CCT6A: variants seen among roughly 807,000 people sequenced by gnomAD.
CCT6A encodes the protein T-complex protein 1 subunit zeta.
CCT6A carries 6 observed loss-of-function variants against 58.6 expected under a neutral mutation model. The observed-to-expected ratio is 0.10, with a 90% CI of 0.06 to 0.20. The LOEUF (loss-of-function observed/expected upper bound fraction) is 0.20. CCT6A is among the 10% of genes least tolerant of loss of function. The pLI, the probability that CCT6A is intolerant of heterozygous loss-of-function variation, is 1.00. For synonymous variants in CCT6A, 245 were observed against 227.8 expected, an observed-to-expected ratio of 1.08 and a Z score of -0.68; for missense variants, 516 against 648.8, an observed-to-expected ratio of 0.80 and a Z score of 2.22.
At chr7:56,053,209 A>G (rs1794220483) in intron 2 of CCT6A, among the ~76,000 whole-genome samples, 1 of 152,138 alleles carries the variant, frequency 6.6e-6, no homozygotes, top group African/African-American at 2.4e-5. Flanking sequence ...TATTGAGGGG[A>G]GTATGCTTTT....
chr7:56,061,633 C>G, intron 11 of CCT6A, 114 bp from the exon 12 acceptor site: 1 of 610,984 alleles, frequency 1.6e-6, no homozygotes. Flanking sequence ...AGGCGTGAGC[C>G]ACTGCACCAG....
intron 8 of CCT6A, 122 bp downstream of exon 8, chr7:56,058,824 G>A (rs1283035984): frequency 3.2e-6 from 2 of 616,510 alleles, no homozygotes; most frequent in South Asian, 4.3e-5. Context: ...TATTCACATT[G>A]TGCACCCCGT....
chr7:56,062,639 G>A lies in CCT6A; in HGVS notation c.1451-44G>A, dbSNP rs1202037472. On this transcript the variant is annotated intron_variant, in intron 12 of 13. Coordinates refer to ENST00000275603, the MANE Select transcript of CCT6A (RefSeq NM_001762.4). ...AGCAAAGCTGCACACAATATTGTTG[G>A]TTCTTACTGACTGAACTTATTTTAA... 8.1e-6 allele frequency: 12 copies of A among 1,481,486 alleles called. No individual in the cohort carries two copies. The Admixed American group carries it at 1.3e-4, about 17-fold the overall frequency. The allele number at this position is 1,481,486 out of a possible 1,614,324, so 91.8% of individuals were successfully genotyped here.
intron 10 of CCT6A, 79 bp from the exon 11 acceptor site, chr7:56,060,728 G>A: frequency 1.3e-6 from 2 of 1,485,438 alleles, no homozygotes; most frequent in Non-Finnish European, 1.8e-6. Context: ...AGAAATTAAT[G>A]GCTTTCATAT....
intron 3 of CCT6A, 78 bp from the exon 4 acceptor site, chr7:56,055,546 C>G: frequency 2.4e-6 from 3 of 1,233,764 alleles, no homozygotes; most frequent in Non-Finnish European, 3.5e-6. Context: ...AACACTCCTT[C>G]AATAATTACC....
chr7:56,060,685 T>C, intron 10 of CCT6A, 122 bp from the exon 11 acceptor site: 1 of 1,269,924 alleles, frequency 7.9e-7, no homozygotes, highest in African/African-American at 1.5e-5. Context: ...TTTGGTATGT[T>C]AGTCACTTGT....
intron 11 of CCT6A, 75 bp from the exon 12 acceptor site, chr7:56,061,672 T>C (rs962902958): frequency 7.3e-5 from 12 of 165,294 alleles, no homozygotes; most frequent in South Asian, 1.8e-4. Context: ...TTTTTTCTTT[T>C]TTTTTTTTTT....
chr7:56,052,286 C>T (rs977796299), intron 1 of CCT6A, 136 bp from the exon 2 acceptor site: 5 of 779,256 alleles, frequency 6.4e-6, no homozygotes, highest in East Asian at 2.5e-5. Flanking sequence ...GGCACTACAC[C>T]TGTCCTCCAT....
chr7:56,062,797 A>T (rs778398021), intron 13 of CCT6A, 42 bp downstream of exon 13: 13 of 1,508,070 alleles, frequency 8.6e-6, no homozygotes, highest in African/African-American at 1.4e-5. Context: ...AGAGAATCAT[A>T]CTTTTTTCAT....
At chr7:56,057,954 T>C (rs1420193693) in intron 5 of CCT6A, 39 bp from the exon 6 acceptor site, 2 of 1,082,014 alleles carry the variant, frequency 1.8e-6, no homozygotes, top group African/African-American at 3.1e-5. Flanking sequence ...AATACCCATC[T>C]GAAAATCAAT....
chr7:56,062,848 A>C (rs1794497420), intron 13 of CCT6A, 93 bp downstream of exon 13: 5 of 1,214,238 alleles, frequency 4.1e-6, no homozygotes, highest in Non-Finnish European at 6.1e-6. Context: ...CCCATGAATA[A>C]TGTGATCAGC....
Position 56,051,983 on chromosome 7 carries a change from G to A in CCT6A, c.135G>A (p.Lys45=). 1 of 1,520,720 alleles carries A rather than the reference G, an allele frequency of 6.6e-7. No homozygotes were observed. Among genetic ancestry groups the A allele is most frequent in the Non-Finnish European group, 8.8e-7 (1 of 1,133,610 alleles). The allele number at this position is 1,520,720 out of a possible 1,614,324, so 94.2% of individuals were successfully genotyped here. A position where few individuals can be genotyped will look rare whatever the true frequency, so the allele number is the denominator to read the frequency against. Residue 45 remains lysine, a splice_region_variant and synonymous_variant, in exon 1 of 14, where the codon AAG becomes AAA. Coordinates refer to ENST00000275603, the MANE Select transcript of CCT6A (RefSeq NM_001762.4). ...ACCTGGGGCCCAAGGGCACCATGAA[G>A]ATGTAAGGCGGGGCTGAACCGGAGG... is the stretch of plus-strand genomic sequence containing the variant. ...RTNLGPKGTM[K]MLVSGAGDIK...
At chr7:56,052,847 C>T (rs1361127628) in intron 2 of CCT6A, among the ~76,000 whole-genome samples, 1 of 150,510 alleles carries the variant, frequency 6.6e-6, no homozygotes, top group Non-Finnish European at 1.5e-5. Context: ...AGCCTGGAGT[C>T]CGGTGGCACA....
chr7:56,063,355 G>A lies in CCT6A; in HGVS notation c.*270G>A. 1 of 458,038 alleles carries A rather than the reference G, an allele frequency of 2.2e-6. No individual in the cohort carries two copies. The highest frequency in any genetic ancestry group is 3.9e-6 in the Non-Finnish European group (1 of 256,334). The allele number at this position is 458,038 out of a possible 1,614,324, so 28.4% of individuals were successfully genotyped here. On this transcript the variant is annotated 3_prime_UTR_variant, in exon 14 of 14. Transcript: ENST00000275603. ...AGCAGTGACATAAAATTCCATGTTAGATAAGCATATGTTACTTACCTTGTT... is the reference window on the plus strand; with the variant it reads ...AGCAGTGACATAAAATTCCATGTTAAATAAGCATATGTTACTTACCTTGTT...
chr7:56,061,484 C>A (rs1480377004), intron 11 of CCT6A, among the ~76,000 whole-genome samples: 2 of 146,012 alleles, frequency 1.4e-5, no homozygotes, highest in African/African-American at 2.5e-5. Context: ...GCTGGGATTA[C>A]AGGCACCTGC....
chr7:56,059,750 G>A (rs1472849362), intron 9 of CCT6A, 110 bp downstream of exon 9: 5 of 630,260 alleles, frequency 7.9e-6, no homozygotes, highest in Non-Finnish European at 1.4e-5. Flanking sequence ...GTGCAGTGGT[G>A]TGATCACAGT....
At position 56,063,145 on chromosome 7, in the gene CCT6A, C is replaced by T; in HGVS notation, c.*60C>T. ...TGCAAAGTGATCCTGAGGATTACAGCTGTGGAATTTTTGTCCAAGCTTCAA... is the reference window on the plus strand; with the variant it reads ...TGCAAAGTGATCCTGAGGATTACAGTTGTGGAATTTTTGTCCAAGCTTCAA... On this transcript the variant is annotated 3_prime_UTR_variant, in exon 14 of 14. Coordinates refer to ENST00000275603, the MANE Select transcript of CCT6A (RefSeq NM_001762.4). 8.4e-7 allele frequency: 1 copy of T among 1,183,940 alleles called. No homozygotes were observed. The highest frequency in any genetic ancestry group is 1.3e-6 in the Non-Finnish European group (1 of 793,438). 73.3% of individuals were successfully genotyped at this position (1,183,940 alleles called of 1,614,324 possible).
chr7:56,052,594 T>C, intron 2 of CCT6A, 109 bp downstream of exon 2: 5 of 937,866 alleles, frequency 5.3e-6, no homozygotes, highest in Non-Finnish European at 8.6e-6. Context: ...CATTCAGAAG[T>C]GGCGTGTAAT....
At chr7:56,052,032 C>G in intron 1 of CCT6A, 47 bp downstream of exon 1, 2 of 1,383,610 alleles carry the variant, frequency 1.4e-6, no homozygotes, top group Non-Finnish European at 9.4e-7. Flanking sequence ...CGCGCGCCGC[C>G]GCGCTCCTGG....
Sources: allele counts gnomAD v4.1 joint callset (sites outside exome capture counted in the v4.1 genomes callset), GRCh38; gene constraint gnomAD v4.1.1; transcripts MANE v1.5; gene names NCBI Gene and HGNC (gene_info 2026-07-23, HGNC 2026-07-21).